Variants in EVI5 observed in about 807,000 individuals in gnomAD.
The protein encoded by EVI5 is ecotropic viral integration site 5 protein homolog.
A neutral mutation model predicts 112.0 loss-of-function variants in EVI5; 73 were observed. That is an observed-to-expected ratio of 0.65 (90% CI 0.54 to 0.79). The LOEUF (loss-of-function observed/expected upper bound fraction) is 0.79. EVI5 is among the 30% of genes least tolerant of loss of function. EVI5 has a pLI of 0.00. For synonymous variants in EVI5, 305 were observed against 319.9 expected, an observed-to-expected ratio of 0.95 and a Z score of 0.50; for missense variants, 900 against 968.8, an observed-to-expected ratio of 0.93 and a Z score of 0.94.
intron 16 of EVI5, 111 bp from the exon 17 acceptor site, chr1:92,607,838 G>A: frequency 1.5e-6 from 1 of 658,646 alleles, no homozygotes; most frequent in East Asian, 3.2e-5. Flanking sequence ...ACTAGTTATA[G>A]GTCACTGTTA....
chr1:92,621,191 C>CA (rs1553208702), intron 16 of EVI5, among the ~76,000 whole-genome samples: 1 of 151,978 alleles, frequency 6.6e-6, no homozygotes, highest in Non-Finnish European at 1.5e-5. Context: ...AACAAAGAAA[C>CA]AAAGAACAGA....
chr1:92,613,861 G>T (rs985662580), intron 16 of EVI5, among the ~76,000 whole-genome samples: 2 of 152,142 alleles, frequency 1.3e-5, no homozygotes, highest in African/African-American at 4.8e-5. Context: ...AAAGTGTTGG[G>T]GATTATAGGC....
chr1:92,611,534 T>TAA (rs763503738), intron 16 of EVI5, among the ~76,000 whole-genome samples: 4 of 122,724 alleles, frequency 3.3e-5, no homozygotes, highest in South Asian at 2.6e-4. Flanking sequence ...CTGTCTCTAC[T>TAA]AAAAAAAAAA....
upstream of EVI5, among the ~76,000 whole-genome samples, chr1:92,788,798 GCAACAA>G (rs1165457403): frequency 6.6e-6 from 1 of 151,838 alleles, no homozygotes; most frequent in East Asian, 1.9e-4. Context: ...TGTCTCAACA[GCAACAA>G]CAACAACAAA....
chr1:92,674,052 T>A (rs1666306510), intron 10 of EVI5, among the ~76,000 whole-genome samples: 2 of 152,172 alleles, frequency 1.3e-5, no homozygotes, highest in South Asian at 4.1e-4. Context: ...CATGGACTTT[T>A]AAAAAGAACC....
intron 18 of EVI5, among the ~76,000 whole-genome samples, chr1:92,600,058 C>T (rs1052719339): frequency 5.3e-5 from 8 of 151,926 alleles, no homozygotes; most frequent in African/African-American, 1.5e-4. Flanking sequence ...GATGAACTAA[C>T]GGAGTGGTAG....
At chr1:92,652,342 G>GA (rs1436226012) in intron 13 of EVI5, among the ~76,000 whole-genome samples, 1 of 152,164 alleles carries the variant, frequency 6.6e-6, no homozygotes, top group African/African-American at 2.4e-5. Flanking sequence ...CGGAGGCTGG[G>GA]AAGATGGGAA....
At position 92,584,194 on chromosome 1, in the gene EVI5, C is replaced by T. The variant is rs187091040; in HGVS notation, c.2071-20457G>A. Among the ~76,000 whole-genome samples, 336 of 152,104 alleles carry T rather than the reference C, an allele frequency of 2.2e-3. 2 individuals are homozygous for T. The highest frequency in any genetic ancestry group is 7.5e-3 in the African/African-American group (312 of 41,510). On this transcript the variant is annotated intron_variant, in intron 18 of 19. Transcript: ENST00000684568. Reference sequence around the variant, plus strand: ...AGATATATTCAAGTGCTCTCTCTTTCGTAAAAAATCAAACCTTTTTAGAGA... The same window carrying T: ...AGATATATTCAAGTGCTCTCTCTTTTGTAAAAAATCAAACCTTTTTAGAGA...
intron 1 of EVI5, among the ~76,000 whole-genome samples, chr1:92,769,403 T>C (rs1386339901): frequency 2.0e-5 from 3 of 152,234 alleles, no homozygotes; most frequent in African/African-American, 7.2e-5. Context: ...GACAATTTAT[T>C]TTACTTAAAG....
At chr1:92,567,564 T>C (rs1255197429) in intron 18 of EVI5, among the ~76,000 whole-genome samples, 6 of 152,208 alleles carry the variant, frequency 3.9e-5, no homozygotes, top group African/African-American at 1.2e-4. Flanking sequence ...CAGTATTCAG[T>C]AGAGTAACAT....
chr1:92,621,364 A>T (rs1353349130), intron 16 of EVI5, among the ~76,000 whole-genome samples: 1 of 152,202 alleles, frequency 6.6e-6, no homozygotes, highest in African/African-American at 2.4e-5. Context: ...GCTGGAGTGC[A>T]GTGGCGTGAT....
At chr1:92,631,999 T>C (rs567919994) in intron 14 of EVI5, among the ~76,000 whole-genome samples, 2 of 152,378 alleles carry the variant, frequency 1.3e-5, no homozygotes, top group South Asian at 2.1e-4. Context: ...ATTTGCTATG[T>C]TGAACCAGCC....
intron 2 of EVI5, among the ~76,000 whole-genome samples, chr1:92,707,458 A>G (rs767956701): frequency 7.2e-5 from 11 of 152,202 alleles, no homozygotes; most frequent in African/African-American, 1.2e-4. Context: ...TAAAGTCAAT[A>G]ACTAAGAAAC....
chr1:92,583,198 T>C (rs1262766744), intron 18 of EVI5, among the ~76,000 whole-genome samples: 2 of 152,096 alleles, frequency 1.3e-5, no homozygotes, highest in African/African-American at 4.8e-5. Flanking sequence ...GTAGTTACTA[T>C]TTTTTCTAAA....
chr1:92,675,500 A>G lies in EVI5; in HGVS notation c.1158+1658T>C, dbSNP rs371037152. On this transcript the variant is annotated intron_variant, in intron 10 of 19. Transcript: ENST00000684568. The stretch of plus-strand genomic sequence containing the variant: ...TAGAACTGTGATTTTTTTTTCAATA[A>G]TATAGTGTGGTGAAATGAACAGGAT... Among the ~76,000 whole-genome samples the G allele has an allele frequency of 8.5e-5, 13 of 152,088 alleles. No homozygotes were observed. In the East Asian group the frequency reaches 9.6e-4, roughly 11 times the overall value.
At chr1:92,771,328 C>A (rs944582846) in intron 1 of EVI5, among the ~76,000 whole-genome samples, 1 of 152,062 alleles carries the variant, frequency 6.6e-6, no homozygotes, top group Non-Finnish European at 1.5e-5. Context: ...TACACACACT[C>A]CCAGAGATAT....
At chr1:92,738,116 T>G (rs1236893471) in intron 1 of EVI5, among the ~76,000 whole-genome samples, 2 of 152,138 alleles carry the variant, frequency 1.3e-5, no homozygotes, top group Admixed American at 6.6e-5. Context: ...AACTCATAGA[T>G]GAAAACAGCT....
chr1:92,647,758 G>T, intron 13 of EVI5: 1 of 175,292 alleles, frequency 5.7e-6, no homozygotes, highest in East Asian at 1.5e-4. Flanking sequence ...GGGGGTGGGG[G>T]GTATAGAATT....
chr1:92,574,220 T>C (rs1432037539), intron 18 of EVI5, among the ~76,000 whole-genome samples: 2 of 152,292 alleles, frequency 1.3e-5, no homozygotes, highest in South Asian at 4.1e-4. Context: ...CAAGATGGAA[T>C]GTGCCCAGGA....
Sources: allele counts gnomAD v4.1 joint callset (sites outside exome capture counted in the v4.1 genomes callset), GRCh38; gene constraint gnomAD v4.1.1; transcripts MANE v1.5; gene names NCBI Gene and HGNC (gene_info 2026-07-23, HGNC 2026-07-21).